DNAH2: variants seen among roughly 807,000 people sequenced by gnomAD.
DNAH2 encodes dynein axonemal heavy chain 2.
In DNAH2, 323 loss-of-function variants were observed where a neutral mutation model predicts 523.5. The observed-to-expected ratio is 0.62, with a 90% confidence interval of 0.56 to 0.68. The LOEUF is 0.68. Ranked by LOEUF, DNAH2 falls within the 30% of genes least tolerant of loss-of-function variation. The probability of loss-of-function intolerance (pLI) is 0.00; values close to 1 mark genes in which losing one functional copy is unlikely to be tolerated. For missense variants in DNAH2, 4,907 were observed against 5,701.5 expected, an observed-to-expected ratio of 0.86 and a Z score of 4.49; for synonymous variants, 2,093 against 2,177.4, an observed-to-expected ratio of 0.96 and a Z score of 1.08.
intron 18 of DNAH2, among the ~76,000 whole-genome samples, chr17:7,761,265 G>A (rs1442029471): frequency 1.3e-5 from 2 of 152,020 alleles, no homozygotes; most frequent in Middle Eastern, 3.2e-3. Context: ...AGATTATTTT[G>A]TTTGTTTTAT....
At position 7,765,556 on chromosome 17, in the gene DNAH2, G is replaced by T; in HGVS notation, c.3502G>T (p.Glu1168Ter). 6.2e-7 allele frequency: 1 copy of T among 1,612,770 alleles called. No homozygotes were observed. The highest frequency in any genetic ancestry group is 1.1e-5 in the South Asian group (1 of 90,824). Residue 1168 changes from glutamate (E) to a stop codon, truncating the protein, a stop_gained, in exon 21 of 86, where the codon GAA becomes TAA. Coordinates refer to ENST00000572933, the MANE Select transcript of DNAH2 (RefSeq NM_020877.5). LOFTEE classifies it high-confidence loss of function. ...KKAHTLLEDF[E>*]FKGHFTSNVG... ...AGCACATACACTTCTGGAAGATTTC[G>T]AATTCAAAGGTACTCCTTGATCCAC...
intron 56 of DNAH2, among the ~76,000 whole-genome samples, chr17:7,799,717 A>T (rs549994565): frequency 6.6e-6 from 1 of 152,192 alleles, no homozygotes; most frequent in East Asian, 1.9e-4. Context: ...ACTCAGGAGG[A>T]TGAAGCAGGA....
rs143546992 is a variant in DNAH2, at chr17:7,768,794, C to T, written c.3941+527C>T. Among the ~76,000 whole-genome samples, 61 of 152,288 alleles carry T rather than the reference C, an allele frequency of 4.0e-4. No individual in the cohort carries two copies. In the East Asian group the frequency reaches 9.4e-3, roughly 24 times the overall value. ...CATATGACATATGAGTGCGATCATG[C>T]GGTGTTTGTCTTTCTTCGCCTGGCT... On this transcript the variant is annotated intron_variant, in intron 24 of 85. Coordinates refer to ENST00000572933, the MANE Select transcript of DNAH2 (RefSeq NM_020877.5).
chr17:7,788,134 A>T lies in DNAH2; in HGVS notation c.6790A>T (p.Met2264Leu), dbSNP rs1401228235. 2 of 1,614,196 alleles carry T rather than the reference A, an allele frequency of 1.2e-6. No homozygotes were observed. The highest frequency in any genetic ancestry group is 3.3e-5 in the Admixed American group (2 of 60,022). The change falls in exon 44 of 86, where the codon ATG becomes TTG. Residue 2264 changes from methionine (M) to leucine (L), a missense_variant. This residue lies in a region of DNAH2 where 2,806 missense variants were observed against 3,190.8 expected (regional missense o/e 0.88). Transcript: ENST00000572933. ...QRMFEKLINK[M>L]LAFKKDNCKE... ...CATGTTCGAAAAGCTCATCAACAAG[A>T]TGCTGGCCTTTAAGAAGGACAACTG...
rs142747431 is a variant in DNAH2 at position 7,739,834 on chromosome 17, G to A, written c.1272G>A (p.Leu424=). Residue 424 remains leucine (L), a synonymous_variant, in exon 9 of 86, where the codon TTG becomes TTA. Transcript: ENST00000572933. ...GAQGPQITRN[L]LEIEDIFHKN... ...AGGGGCCACAGATAACACGGAACTT[G>A]CTGGAGATTGAGGACATCTTTCATA... 1.6e-3 allele frequency: 2,571 copies of A among 1,613,986 alleles called. 8 individuals carry two copies. The highest frequency in any genetic ancestry group is 0.015 in the African/African-American group (1,128 of 74,960).
At position 7,831,534 on chromosome 17, in the gene DNAH2, A is replaced by C; in HGVS notation, c.12604A>C (p.Thr4202Pro). Residue 4202 changes from threonine to proline, a missense_variant, in exon 81 of 86, where the codon ACC (threonine) becomes CCC (proline). By Grantham distance (38) the Thr-to-Pro change is conservative. Around this residue, in one of 3 missense-constraint regions of DNAH2, gnomAD observed 1,851 missense variants for 2,139.4 expected, o/e 0.87. Transcript: ENST00000572933. The surrounding 1 kb of genome is among the most constrained non-coding windows in gnomAD (Gnocchi z 4.2). ...EIQRYNTLMQ[T>P]ILFSLTDLEK... ...CCAGAGATACAACACACTGATGCAG[A>C]CCATCCTGTAAGACAGAGGGGGACT... is the stretch of plus-strand genomic sequence containing the variant. The C allele has an allele frequency of 6.2e-7, 1 of 1,614,144 alleles. No individual in the cohort carries two copies. The highest frequency in any genetic ancestry group is 8.5e-7 in the Non-Finnish European group (1 of 1,180,022).
chr17:7,798,407 C>T lies in DNAH2; in HGVS notation c.8398+83C>T. On this transcript the variant is annotated intron_variant, in intron 54 of 85. Coordinates refer to ENST00000572933, the MANE Select transcript of DNAH2 (RefSeq NM_020877.5). This position sits in a 1 kb window ranked among gnomAD's most constrained non-coding sequence, Gnocchi z 5.5. ...GTGACAAGAGAGGAGAGATGGCAGC[C>T]AGATGGGCAGACGTGTCTGGCCCGT... 6.5e-7 allele frequency: 1 copy of T among 1,539,380 alleles called. No individual in the cohort carries two copies. Among genetic ancestry groups the T allele is most frequent in the Non-Finnish European group, 8.8e-7 (1 of 1,140,640 alleles).
At position 7,833,467 on chromosome 17, in the gene DNAH2, T is replaced by G. The variant is rs2078253867; in HGVS notation, c.13218T>G (p.Ser4406=). Residue 4406 remains serine, a synonymous_variant, in exon 86 of 86, where the codon TCT becomes TCG. Coordinates refer to ENST00000572933, the MANE Select transcript of DNAH2 (RefSeq NM_020877.5). ...TTGTCATCGGCATTGACCTGCGGTCTGGGGCCATGACACCTGATCATTGGA... is the reference window on the plus strand; with the variant it reads ...TTGTCATCGGCATTGACCTGCGGTCGGGGGCCATGACACCTGATCATTGGA... ...ASFVIGIDLR[S]GAMTPDHWIK... 6.2e-7 allele frequency: 1 copy of G among 1,614,064 alleles called. No homozygotes were observed. Among genetic ancestry groups the G allele is most frequent in the African/African-American group, 1.3e-5 (1 of 74,926 alleles).
At chr17:7,822,388 C>G (rs1040983325) in intron 73 of DNAH2, among the ~76,000 whole-genome samples, 5 of 152,228 alleles carry the variant, frequency 3.3e-5, no homozygotes, top group African/African-American at 1.2e-4. Flanking sequence ...CTCCCCAAAC[C>G]CCCTGGCACG....
intron 48 of DNAH2, 85 bp downstream of exon 48, chr17:7,793,290 G>A: frequency 3.6e-6 from 5 of 1,389,194 alleles, no homozygotes; most frequent in Non-Finnish European, 4.9e-6. Context: ...CCCAGGCTAT[G>A]GTCCTGTCAT....
Position 7,817,339 on chromosome 17 carries a change from C to T in DNAH2, c.9944C>T (p.Ala3315Val), listed in dbSNP as rs2077700797. The T allele has an allele frequency of 6.2e-7, 1 of 1,608,502 alleles. No homozygotes were observed. Among genetic ancestry groups the T allele is most frequent in the Non-Finnish European group, 8.5e-7 (1 of 1,178,510 alleles). ...CTGGTGGGGGACTGTCTCCTGGCAGCTGCCTTCCTGTCCTACATGGGACCC... is the reference window on the plus strand; with the variant it reads ...CTGGTGGGGGACTGTCTCCTGGCAGTTGCCTTCCTGTCCTACATGGGACCC... ...GYLVGDCLLAAAFLSYMGPFL... is the reference protein window; with the variant it reads ...GYLVGDCLLAVAFLSYMGPFL... The change falls in exon 65 of 86, where the codon GCT (alanine) becomes GTT (valine). Residue 3315 changes from alanine to valine, a missense_variant. Ala to Val is a moderately conservative substitution (Grantham distance 64). This residue lies in a region of DNAH2 where 1,851 missense variants were observed against 2,139.4 expected (regional missense o/e 0.87). Coordinates refer to ENST00000572933, the MANE Select transcript of DNAH2 (RefSeq NM_020877.5).
chr17:7,763,286 G>A (rs1402252947), intron 18 of DNAH2, among the ~76,000 whole-genome samples: 3 of 152,146 alleles, frequency 2.0e-5, no homozygotes, highest in Admixed American at 2.0e-4. Flanking sequence ...AGCCTCCCAA[G>A]TAGCTGGGAC....
At position 7,819,298 on chromosome 17, in the gene DNAH2, G is replaced by A; in HGVS notation, c.10905G>A (p.Leu3635=). Residue 3635 remains leucine (L), a synonymous_variant, in exon 72 of 86, where the codon CTG becomes CTA. Transcript: ENST00000572933. The part of the protein sequence containing the change: ...GCIDPMYQFS[L]DAYISLFILS... ...TCGACCCCATGTACCAGTTCTCACT[G>A]GATGCCTACATCAGCCTCTTTATTC... 6.2e-7 allele frequency: 1 copy of A among 1,614,188 alleles called. No individual in the cohort carries two copies. The highest frequency in any genetic ancestry group is 8.5e-7 in the Non-Finnish European group (1 of 1,180,042).
intron 2 of DNAH2, among the ~76,000 whole-genome samples, chr17:7,722,041 C>T (rs1171571189): frequency 6.6e-6 from 1 of 152,178 alleles, no homozygotes; most frequent in African/African-American, 2.4e-5. Flanking sequence ...CCCTGTCACC[C>T]AGGCTGGAGT....
In DNAH2 at chr17:7,819,330, T is replaced by C. The variant is rs775009146; in HGVS notation, c.10937T>C (p.Ile3646Thr). The C allele has an allele frequency of 1.9e-6, 3 of 1,614,220 alleles. No homozygotes were observed. Among genetic ancestry groups the C allele is most frequent in the Admixed American group, 1.7e-5 (1 of 60,024 alleles). ...DAYISLFILS[I>T]DKSHRSNKLE... Reference sequence around the variant, plus strand: ...TACATCAGCCTCTTTATTCTCAGCATTGACAAAAGCCACCGCAGCAATAAG... The same window carrying C: ...TACATCAGCCTCTTTATTCTCAGCACTGACAAAAGCCACCGCAGCAATAAG... Residue 3646 changes from isoleucine to threonine, a missense_variant, in exon 72 of 86, where the codon ATT becomes ACT. This residue lies in a region of DNAH2 where 1,851 missense variants were observed against 2,139.4 expected (regional missense o/e 0.87). Coordinates refer to ENST00000572933, the MANE Select transcript of DNAH2 (RefSeq NM_020877.5).
Position 7,776,739 on chromosome 17 carries a change from A to G in DNAH2, c.4948-40A>G, listed in dbSNP as rs1210549442. 3 of 1,554,996 alleles carry G rather than the reference A, an allele frequency of 1.9e-6. No individual in the cohort carries two copies. The Admixed American group carries it at 5.1e-5, about 26-fold the overall frequency. On this transcript the variant is annotated intron_variant, in intron 31 of 85. Transcript: ENST00000572933. ...TGGGAGCTGGGCTGTGCGTGTAGCC[A>G]AGGACAGGGCTTTGGGACGTGGCTT...
chr17:7,770,738 C>G lies in DNAH2; in HGVS notation c.4182-15C>G. The G allele has an allele frequency of 6.2e-7, 1 of 1,614,046 alleles. No individual in the cohort carries two copies. Among genetic ancestry groups the G allele is most frequent in the South Asian group, 1.1e-5 (1 of 91,080 alleles). On this transcript the variant is annotated splice_polypyrimidine_tract_variant and intron_variant, in intron 26 of 85. Transcript: ENST00000572933. ...AGGTGGGGATGAACTATGATTTTGA[C>G]CCCTTGTGTCTCAGAGGTACAGAAG...
At chr17:7,809,772 A>G (rs1462771866) in intron 63 of DNAH2, among the ~76,000 whole-genome samples, 2 of 152,136 alleles carry the variant, frequency 1.3e-5, no homozygotes, top group East Asian at 1.9e-4. Context: ...AAGAGAAAGC[A>G]GACAGGGAAC....
Position 7,801,576 on chromosome 17 carries a change from A to G in DNAH2, c.8700-2A>G, listed in dbSNP as rs749749220. Reference sequence around the variant, plus strand: ...TTACAGCCTCTCCAAACCCCTTCCCAGGAACTGGATCCGCCAGTACCCAGC... The same window carrying G: ...TTACAGCCTCTCCAAACCCCTTCCCGGGAACTGGATCCGCCAGTACCCAGC... On this transcript the variant is annotated splice_acceptor_variant, in intron 56 of 85. Coordinates refer to ENST00000572933, the MANE Select transcript of DNAH2 (RefSeq NM_020877.5). LOFTEE classifies it high-confidence loss of function. The G allele has an allele frequency of 3.7e-6, 6 of 1,614,158 alleles. No individual in the cohort carries two copies. The highest frequency in any genetic ancestry group is 5.1e-6 in the Non-Finnish European group (6 of 1,180,018).
Sources: gnomAD v4.1 joint callset for allele counts (sites outside exome capture counted in the v4.1 genomes callset) on GRCh38, gnomAD v4.1.1 for gene constraint, gnomAD v4.1.1 regional missense constraint, Gnocchi (gnomAD v3.1) non-coding constraint, MANE v1.5 for transcripts, NCBI Gene and HGNC (gene_info 2026-07-23, HGNC 2026-07-21) for gene names.